APP: variants seen among roughly 807,000 people sequenced by gnomAD.
The protein encoded by APP is amyloid beta precursor protein.
Under a neutral mutation model 101.4 loss-of-function variants are expected in APP, and 31 were observed. That is an observed-to-expected ratio of 0.31 (90% CI 0.23 to 0.41). APP has a LOEUF of 0.41. APP is among the 10% of genes least tolerant of loss of function. The pLI is 1.00. For synonymous variants in APP, 366 were observed against 364.4 expected (o/e 1.00, Z -0.05); for missense variants, 839 against 1,003.7 (o/e 0.84, Z 2.22).
intron 13 of APP, among the ~76,000 whole-genome samples, chr21:25,925,227 ATT>A (rs1309171554): frequency 6.8e-6 from 1 of 146,876 alleles, no homozygotes; most frequent in Non-Finnish European, 1.5e-5. Flanking sequence ...TGAGAAACAG[ATT>A]TAATTTTCCA....
In APP at chr21:26,165,745, T is replaced by C. The variant is rs1013654645; in HGVS notation, c.57+4819A>G. ...ATCTCTATTGCATGTTTCTTCAACA[T>C]GTAGCCACACAAAATAAACCTAAAT... On this transcript the variant is annotated intron_variant, in intron 1 of 17. Coordinates refer to ENST00000346798, the MANE Select transcript of APP (RefSeq NM_000484.4). 2.6e-5 allele frequency among the ~76,000 whole-genome samples: 4 copies of C among 152,222 alleles called. No homozygotes were observed. The South Asian group carries it at 6.2e-4, about 24-fold the overall frequency.
chr21:25,981,427 C>T (rs918226030), intron 9 of APP, among the ~76,000 whole-genome samples: 2 of 152,104 alleles, frequency 1.3e-5, no homozygotes, highest in Non-Finnish European at 2.9e-5. Context: ...TACTTCTTTT[C>T]CCCCCACATT....
chr21:26,067,329 A>G (rs542674110), intron 3 of APP, among the ~76,000 whole-genome samples: 1 of 152,330 alleles, frequency 6.6e-6, no homozygotes, highest in Admixed American at 6.5e-5. Context: ...CATAGTTTGG[A>G]CTAGCCAGGT....
At chr21:25,960,856 T>A (rs1414628336) in intron 11 of APP, among the ~76,000 whole-genome samples, 1 of 152,210 alleles carries the variant, frequency 6.6e-6, no homozygotes, top group Non-Finnish European at 1.5e-5. Context: ...CTTCATTGAT[T>A]TGGCCACCTA....
intron 6 of APP, among the ~76,000 whole-genome samples, chr21:26,018,465 A>G (rs2044198025): frequency 6.6e-6 from 1 of 152,250 alleles, no homozygotes; most frequent in Non-Finnish European, 1.5e-5. Context: ...AAGAACCACA[A>G]GTCACCTTTT....
chr21:25,884,127 C>T (rs779298686), intron 17 of APP, among the ~76,000 whole-genome samples: 6 of 152,210 alleles, frequency 3.9e-5, no homozygotes, highest in Admixed American at 6.5e-5. Flanking sequence ...CCGCCTACCT[C>T]GGCCTCCTAA....
At chr21:26,150,733 C>T (rs1316560789) in intron 1 of APP, among the ~76,000 whole-genome samples, 1 of 152,174 alleles carries the variant, frequency 6.6e-6, no homozygotes. Flanking sequence ...TATCCCAATG[C>T]TTGGCATAGT....
chr21:26,077,600 C>A (rs979567523), intron 3 of APP, among the ~76,000 whole-genome samples: 1 of 152,026 alleles, frequency 6.6e-6, no homozygotes, highest in African/African-American at 2.4e-5. Context: ...AAATCTTTAA[C>A]GCAGGTAATG....
chr21:26,091,089 T>C (rs566557755), intron 2 of APP, among the ~76,000 whole-genome samples: 1 of 152,316 alleles, frequency 6.6e-6, no homozygotes, highest in South Asian at 2.1e-4. Context: ...ATTTCGAAAA[T>C]GTGCATTCCC....
intron 5 of APP, among the ~76,000 whole-genome samples, chr21:26,044,737 C>T (rs1460954144): frequency 6.6e-6 from 1 of 152,152 alleles, no homozygotes; most frequent in Non-Finnish European, 1.5e-5. Context: ...TGGGCTTTCT[C>T]CATGTTGGTC....
At chr21:25,885,193 G>C (rs777033508) in intron 17 of APP, among the ~76,000 whole-genome samples, 1 of 152,204 alleles carries the variant, frequency 6.6e-6, no homozygotes, top group Non-Finnish European at 1.5e-5. Context: ...CCCCTTGAAA[G>C]CTAGATGCGA....
chr21:26,053,408 G>A (rs1601334534), intron 3 of APP, 60 bp from the exon 4 acceptor site: 1 of 1,224,132 alleles, frequency 8.2e-7, no homozygotes, highest in South Asian at 1.2e-5. Flanking sequence ...TCTTACCGCA[G>A]AAGACATCAA....
chr21:26,078,194 A>G (rs905601686), intron 3 of APP, among the ~76,000 whole-genome samples: 1 of 152,232 alleles, frequency 6.6e-6, no homozygotes, highest in Admixed American at 6.5e-5. Context: ...TACGTGAGAA[A>G]AAAATTGTCC....
At chr21:25,996,820 C>G (rs1183757433) in intron 8 of APP, among the ~76,000 whole-genome samples, 1 of 152,196 alleles carries the variant, frequency 6.6e-6, no homozygotes, top group Non-Finnish European at 1.5e-5. Context: ...TATAGCAGCA[C>G]CTCCTCACCC....
At chr21:26,044,522 A>ATTTCTT in intron 5 of APP, among the ~76,000 whole-genome samples, 1 of 152,260 alleles carries the variant, frequency 6.6e-6, no homozygotes, top group Middle Eastern at 3.4e-3. Context: ...TTGACAAGTG[A>ATTTCTT]GCAATGTATT....
intron 3 of APP, among the ~76,000 whole-genome samples, chr21:26,086,152 A>G (rs1259306527): frequency 6.6e-6 from 1 of 152,226 alleles, no homozygotes; most frequent in African/African-American, 2.4e-5. Context: ...CAAAGAAAAT[A>G]TTCTCCTTGA....
chr21:26,108,684 G>A (rs986720961), intron 2 of APP, among the ~76,000 whole-genome samples: 3 of 152,110 alleles, frequency 2.0e-5, no homozygotes, highest in Non-Finnish European at 2.9e-5. Context: ...TCAGGAGTTC[G>A]AGACCAGCCT....
At chr21:26,167,895 C>T (rs1037161635) in intron 1 of APP, among the ~76,000 whole-genome samples, 1 of 152,164 alleles carries the variant, frequency 6.6e-6, no homozygotes, top group African/African-American at 2.4e-5. Flanking sequence ...CATCGATTAG[C>T]AAGAACCGTG....
intron 16 of APP, among the ~76,000 whole-genome samples, chr21:25,895,176 C>CTTT (rs371074293): frequency 1.0e-4 from 15 of 143,692 alleles, no homozygotes; most frequent in African/African-American, 3.9e-4. Flanking sequence ...TAAATACAAA[C>CTTT]TTTTTTTTTT....
Sources: gnomAD v4.1 joint callset for allele counts (sites outside exome capture counted in the v4.1 genomes callset) on GRCh38, gnomAD v4.1.1 for gene constraint, MANE v1.5 for transcripts, NCBI Gene and HGNC (gene_info 2026-07-23, HGNC 2026-07-21) for gene names.